The following DAPK1 variants were observed in gnomAD, a reference collection of about 807,000 sequenced individuals.
DAPK1 encodes the protein death-associated protein kinase 1.
DAPK1 carries 56 observed loss-of-function variants against 144.9 expected under a neutral mutation model. The observed-to-expected ratio is 0.39, with a 90% confidence interval of 0.31 to 0.48. The LOEUF (loss-of-function observed/expected upper bound fraction) is 0.48. Among genes scored for constraint, DAPK1 ranks in the 20% least tolerant of loss-of-function variants. DAPK1 has a pLI of 0.95. For missense variants in DAPK1, 1,454 were observed against 1,875.4 expected, an observed-to-expected ratio of 0.78 and a Z score of 4.15; for synonymous variants, 690 against 749.0, an observed-to-expected ratio of 0.92 and a Z score of 1.29.
chr9:87,702,900 C>T, intron 24 of DAPK1, 129 bp from the exon 25 acceptor site: 2 of 622,494 alleles, frequency 3.2e-6, no homozygotes, highest in Middle Eastern at 4.5e-4. Context: ...TCAACAACAA[C>T]AAAAAAACCC....
chr9:87,615,755 G>A (rs920776623), intron 3 of DAPK1, among the ~76,000 whole-genome samples: 6 of 152,202 alleles, frequency 3.9e-5, no homozygotes, highest in African/African-American at 7.2e-5. Flanking sequence ...TAATCCTTGC[G>A]TGCAACTCTA....
At chr9:87,519,229 A>G (rs1248154929) in intron 2 of DAPK1, among the ~76,000 whole-genome samples, 1 of 152,052 alleles carries the variant, frequency 6.6e-6, no homozygotes, top group Non-Finnish European at 1.5e-5. Context: ...AATGGCAGGC[A>G]CCTCCCGCAT....
chr9:87,691,438 C>A (rs550099704), intron 21 of DAPK1, among the ~76,000 whole-genome samples: 1 of 151,990 alleles, frequency 6.6e-6, no homozygotes, highest in South Asian at 2.1e-4. Context: ...TATAAAAGAA[C>A]AATTTTTCAT....
chr9:87,547,450 A>G (rs1826290915), intron 2 of DAPK1, among the ~76,000 whole-genome samples: 1 of 152,212 alleles, frequency 6.6e-6, no homozygotes. Context: ...GAGCACTCAG[A>G]TAGTAAGACT....
chr9:87,557,225 T>C (rs1399058415), intron 2 of DAPK1, among the ~76,000 whole-genome samples: 1 of 152,098 alleles, frequency 6.6e-6, no homozygotes, highest in Admixed American at 6.5e-5. Flanking sequence ...CAGCCACACA[T>C]CCATCCAGGC....
At chr9:87,684,431 A>G (rs1824758080) in intron 20 of DAPK1, among the ~76,000 whole-genome samples, 2 of 152,322 alleles carry the variant, frequency 1.3e-5, no homozygotes, top group African/African-American at 2.4e-5. Context: ...AGATGCCTAC[A>G]TGGCAACATT....
At position 87,680,638 on chromosome 9, in the gene DAPK1, C is replaced by T. The variant is rs186825203; in HGVS notation, c.2002-766C>T. ...AAATTTCTAAATAAAGTGTGGGGGT[C>T]ACACACACACACACGCGCACACACA... On this transcript the variant is annotated intron_variant, in intron 19 of 25. Transcript: ENST00000408954. 1.0e-3 allele frequency among the ~76,000 whole-genome samples: 125 copies of T among 122,124 alleles called. 1 individual carries two copies. The Admixed American group carries it at 0.01, about 10-fold the overall frequency. The allele number at this position is 122,124 out of a possible 152,430, so 80.1% of individuals were successfully genotyped here. A position where few individuals can be genotyped will look rare whatever the true frequency, so the allele number is the denominator to read the frequency against.
chr9:87,658,248 G>T, intron 18 of DAPK1, 121 bp downstream of exon 18: 1 of 606,964 alleles, frequency 1.6e-6, no homozygotes. Context: ...CTGCTGTTCA[G>T]CCATAGCTCC....
chr9:87,512,274 A>G (rs1335920148), intron 2 of DAPK1, among the ~76,000 whole-genome samples: 1 of 146,498 alleles, frequency 6.8e-6, no homozygotes, highest in Non-Finnish European at 1.5e-5. Flanking sequence ...GATTAGGGAT[A>G]CAAATAATTG....
In DAPK1 at chr9:87,645,915, G is replaced by A. The variant is rs770559073; in HGVS notation, c.1032G>A (p.Val344=). The A allele has an allele frequency of 2.5e-6, 4 of 1,613,972 alleles. No homozygotes were observed. In the Admixed American group the frequency reaches 5.0e-5, roughly 20 times the overall value. The change falls in exon 12 of 26, where the codon GTG becomes GTA. Residue 344 remains valine, a synonymous_variant. Coordinates refer to ENST00000408954, the MANE Select transcript of DAPK1 (RefSeq NM_004938.4). ...TCAAGGATGAGGAAGACTCCTTTGT[G>A]ATGAAAGCCATCATCCATGCCATCA... ...DDTLDEEDSF[V]MKAIIHAIND...
intron 19 of DAPK1, among the ~76,000 whole-genome samples, chr9:87,669,764 A>G (rs963216792): frequency 1.2e-4 from 18 of 151,072 alleles, no homozygotes; most frequent in South Asian, 4.2e-4. Flanking sequence ...TGCCAGGGGC[A>G]GGGGGGGGCC....
At chr9:87,608,774 C>T (rs1011221001) in intron 3 of DAPK1, among the ~76,000 whole-genome samples, 1 of 152,160 alleles carries the variant, frequency 6.6e-6, no homozygotes, top group Non-Finnish European at 1.5e-5. Flanking sequence ...CGGGAGGGCC[C>T]TTAGGAGCTG....
chr9:87,643,537 A>G (rs1022780814), intron 11 of DAPK1, 69 bp downstream of exon 11: 58 of 1,038,748 alleles, frequency 5.6e-5, no homozygotes, highest in Non-Finnish European at 7.8e-5. Flanking sequence ...AAGCTGTTCT[A>G]TTTGTTCAAC....
chr9:87,539,090 T>C (rs1825952944), intron 2 of DAPK1, among the ~76,000 whole-genome samples: 1 of 151,314 alleles, frequency 6.6e-6, no homozygotes, highest in African/African-American at 2.4e-5. Flanking sequence ...AGCCTACATA[T>C]ATAAAAATAT....
chr9:87,544,991 C>A (rs1207480485), intron 2 of DAPK1, among the ~76,000 whole-genome samples: 1 of 152,136 alleles, frequency 6.6e-6, no homozygotes, highest in East Asian at 1.9e-4. Flanking sequence ...GAGGACAGGC[C>A]CATCTTCAGT....
At chr9:87,577,855 G>A (rs554357895) in intron 2 of DAPK1, among the ~76,000 whole-genome samples, 2 of 152,168 alleles carry the variant, frequency 1.3e-5, no homozygotes, top group African/African-American at 2.4e-5. Context: ...AACCAGGATC[G>A]AAAAATTCTG....
intron 24 of DAPK1, 74 bp from the exon 25 acceptor site, chr9:87,702,954 TC>T (rs1169032400): frequency 1.4e-6 from 1 of 696,160 alleles, no homozygotes; most frequent in Non-Finnish European, 2.6e-6. Flanking sequence ...ATGAAAGGTG[TC>T]CTTTCCACTG....
chr9:87,674,646 AC>A (rs1219781459), intron 19 of DAPK1, among the ~76,000 whole-genome samples: 2 of 152,080 alleles, frequency 1.3e-5, no homozygotes, highest in Non-Finnish European at 2.9e-5. Context: ...AAAATTCACC[AC>A]CTGTAAACTG....
At chr9:87,674,514 CAAA>C (rs35817698) in intron 19 of DAPK1, among the ~76,000 whole-genome samples, 161 of 67,600 alleles carry the variant, frequency 2.4e-3, no homozygotes, top group African/African-American at 8.8e-3. Context: ...GACTCTGTCT[CAAA>C]AAAAAAAAAA....
Sources: gnomAD v4.1 joint callset for allele counts (sites outside exome capture counted in the v4.1 genomes callset) on GRCh38, gnomAD v4.1.1 for gene constraint, MANE v1.5 for transcripts, NCBI Gene and HGNC (gene_info 2026-07-23, HGNC 2026-07-21) for gene names.